APP: variants seen among roughly 807,000 people sequenced by gnomAD.
The protein encoded by APP is amyloid beta precursor protein.
Under a neutral mutation model 101.4 loss-of-function variants are expected in APP, and 31 were observed. The observed-to-expected ratio is 0.31, with a 90% CI of 0.23 to 0.41. APP has a LOEUF of 0.41. APP is among the 10% of genes least tolerant of loss of function. The pLI, the probability that APP is intolerant of heterozygous loss-of-function variation, is 1.00. For missense variants in APP, 839 were observed against 1,003.7 expected (o/e 0.84, Z 2.22); for synonymous variants, 366 against 364.4 (o/e 1.00, Z -0.05).
chr21:25,920,670 G>C (rs1318756186), intron 13 of APP, among the ~76,000 whole-genome samples: 1 of 151,394 alleles, frequency 6.6e-6, no homozygotes, highest in East Asian at 1.9e-4. Flanking sequence ...TTCAACAAGA[G>C]GAGCTAACTA....
intron 3 of APP, among the ~76,000 whole-genome samples, chr21:26,086,228 G>A (rs568149675): frequency 2.6e-5 from 4 of 152,300 alleles, no homozygotes; most frequent in African/African-American, 9.6e-5. Context: ...TGATTAAGAT[G>A]AATCTTACCC....
At chr21:25,889,867 C>A (rs2037573167) in intron 17 of APP, among the ~76,000 whole-genome samples, 1 of 151,764 alleles carries the variant, frequency 6.6e-6, no homozygotes, top group Non-Finnish European at 1.5e-5. Flanking sequence ...GAAACAACAA[C>A]AACAAAAGAA....
chr21:26,048,405 C>T (rs541194961), intron 5 of APP, among the ~76,000 whole-genome samples: 1 of 151,928 alleles, frequency 6.6e-6, no homozygotes, highest in Non-Finnish European at 1.5e-5. Context: ...GGCTCTATAA[C>T]AGGGCCTATA....
chr21:25,898,596 T>A (rs981653661), intron 15 of APP, among the ~76,000 whole-genome samples: 1 of 152,188 alleles, frequency 6.6e-6, no homozygotes, highest in African/African-American at 2.4e-5. Flanking sequence ...GAGGAATGTA[T>A]CAATTTCCCT....
intron 13 of APP, among the ~76,000 whole-genome samples, chr21:25,920,290 C>T (rs1464928759): frequency 3.3e-5 from 5 of 152,048 alleles, no homozygotes; most frequent in African/African-American, 1.2e-4. Flanking sequence ...AATGTAAAGA[C>T]CATCAAGACT....
At chr21:25,885,378 A>G (rs1335423163) in intron 17 of APP, among the ~76,000 whole-genome samples, 1 of 152,174 alleles carries the variant, frequency 6.6e-6, no homozygotes, top group Non-Finnish European at 1.5e-5. Flanking sequence ...GCACAGACAC[A>G]ATATTATTTC....
intron 6 of APP, among the ~76,000 whole-genome samples, chr21:26,007,524 C>T (rs2043590808): frequency 6.7e-6 from 1 of 149,234 alleles, no homozygotes; most frequent in Non-Finnish European, 1.5e-5. Flanking sequence ...TAAATGTTTA[C>T]ATAATACATA....
intron 1 of APP, among the ~76,000 whole-genome samples, chr21:26,167,576 T>C (rs1252882687): frequency 2.0e-5 from 3 of 152,212 alleles, no homozygotes; most frequent in Admixed American, 2.0e-4. Context: ...AAGACTCTAG[T>C]ATGCAAAAAA....
intron 1 of APP, among the ~76,000 whole-genome samples, chr21:26,121,770 C>T (rs141279621): frequency 3.3e-5 from 5 of 152,308 alleles, no homozygotes; most frequent in Admixed American, 6.5e-5. Context: ...TTAAGGCTTA[C>T]GCTAATATGC....
At chr21:26,028,050 G>A (rs912898470) in intron 5 of APP, among the ~76,000 whole-genome samples, 1 of 151,906 alleles carries the variant, frequency 6.6e-6, no homozygotes, top group African/African-American at 2.4e-5. Flanking sequence ...CAAAAAATTA[G>A]CTGGACGTGG....
intron 1 of APP, among the ~76,000 whole-genome samples, chr21:26,139,194 T>C (rs1200052418): frequency 6.6e-6 from 1 of 152,154 alleles, no homozygotes. Context: ...AGTTTGTTAA[T>C]GCACAAAACC....
intron 8 of APP, among the ~76,000 whole-genome samples, chr21:25,985,122 A>G (rs1264449127): frequency 6.6e-6 from 1 of 152,236 alleles, no homozygotes; most frequent in Non-Finnish European, 1.5e-5. Context: ...ACCATGGAAC[A>G]TGAATGTGAG....
At chr21:26,017,465 A>G (rs1428631620) in intron 6 of APP, among the ~76,000 whole-genome samples, 2 of 151,792 alleles carry the variant, frequency 1.3e-5, no homozygotes, top group Non-Finnish European at 2.9e-5. Context: ...GGTGACCGTG[A>G]AAATCTATAT....
chr21:26,128,403 A>T (rs1411467476), intron 1 of APP, among the ~76,000 whole-genome samples: 1 of 152,202 alleles, frequency 6.6e-6, no homozygotes, highest in Non-Finnish European at 1.5e-5. Flanking sequence ...CAAGATATTA[A>T]ATTTTTTTGG....
At chr21:25,912,969 A>C in intron 13 of APP, among the ~76,000 whole-genome samples, 1 of 152,236 alleles carries the variant, frequency 6.6e-6, no homozygotes, top group South Asian at 2.1e-4. Context: ...CTGCACTATT[A>C]ACAATAATAT....
Position 25,936,143 on chromosome 21 carries a change from A to G in APP, c.1687+18447T>C, listed in dbSNP as rs575864882. Among the ~76,000 whole-genome samples the G allele has an allele frequency of 1.2e-4, 19 of 152,336 alleles. No individual in the cohort carries two copies. In the South Asian group the frequency reaches 3.9e-3, roughly 32 times the overall value. The stretch of plus-strand genomic sequence containing the variant: ...TCGAACTGTGTGCCCCTGAAAATTC[A>G]TGTATCAAAGCCCTAACCCTCAAGG... On this transcript the variant is annotated intron_variant, in intron 13 of 17. Coordinates refer to ENST00000346798, the MANE Select transcript of APP (RefSeq NM_000484.4).
At chr21:26,090,210 G>A (rs1255893091) in intron 2 of APP, 138 bp from the exon 3 acceptor site, 4 of 1,326,488 alleles carry the variant, frequency 3.0e-6, no homozygotes, top group East Asian at 2.5e-5. Context: ...TGCTTTCAAG[G>A]TCTCTGACTT....
rs538924409 is a variant in APP, at chr21:26,071,771, C to A, written c.355+18172G>T. On this transcript the variant is annotated intron_variant, in intron 3 of 17. Coordinates refer to ENST00000346798, the MANE Select transcript of APP (RefSeq NM_000484.4). ...GAAAGGTGATTTACCATTTTCAGGC[C>A]AAAGGCAGAGAGTTTCTAACAATGA... Among the ~76,000 whole-genome samples, 6 of 152,216 alleles carry A rather than the reference C, an allele frequency of 3.9e-5. No homozygotes were observed. The South Asian group carries it at 1.2e-3, about 32-fold the overall frequency.
intron 17 of APP, among the ~76,000 whole-genome samples, chr21:25,890,300 G>A (rs1180232982): frequency 1.3e-5 from 2 of 152,178 alleles, no homozygotes; most frequent in Non-Finnish European, 2.9e-5. Flanking sequence ...TAATTGCTGA[G>A]CAAAATGAAA....
Sources: allele counts gnomAD v4.1 joint callset (sites outside exome capture counted in the v4.1 genomes callset), GRCh38; gene constraint gnomAD v4.1.1; transcripts MANE v1.5; gene names NCBI Gene and HGNC (gene_info 2026-07-23, HGNC 2026-07-21).